GRB10: variants seen among roughly 807,000 people sequenced by gnomAD.
GRB10 encodes growth factor receptor-bound protein 10.
GRB10 carries 20 observed loss-of-function variants against 80.9 expected under a neutral mutation model. The observed-to-expected ratio is 0.25, with a 90% CI of 0.17 to 0.36. GRB10 has a LOEUF of 0.36. Ranked by LOEUF, GRB10 falls within the 10% of genes least tolerant of loss-of-function variation. The pLI is 1.00. For synonymous variants in GRB10, 291 were observed against 291.5 expected, an observed-to-expected ratio of 1.00 and a Z score of 0.02; for missense variants, 548 against 747.7, an observed-to-expected ratio of 0.73 and a Z score of 3.12.
chr7:50,748,062 G>T (rs917413558), intron 3 of GRB10, among the ~76,000 whole-genome samples: 2 of 152,186 alleles, frequency 1.3e-5, no homozygotes, highest in African/African-American at 4.8e-5. Context: ...AATTCCAGAG[G>T]ATAGGATTGT....
chr7:50,608,165 G>A (rs1016718958), intron 13 of GRB10, among the ~76,000 whole-genome samples: 2 of 152,186 alleles, frequency 1.3e-5, no homozygotes, highest in Non-Finnish European at 2.9e-5. Context: ...CCCGCTCCGA[G>A]CATATATCAT....
intron 7 of GRB10, among the ~76,000 whole-genome samples, chr7:50,628,311 TC>T (rs1374443488): frequency 6.6e-6 from 1 of 152,218 alleles, no homozygotes; most frequent in Non-Finnish European, 1.5e-5. Context: ...ACAAACTCCC[TC>T]CGAGGCTCCC....
intron 5 of GRB10, among the ~76,000 whole-genome samples, chr7:50,688,845 C>G (rs1471542529): frequency 6.6e-6 from 1 of 152,036 alleles, no homozygotes; most frequent in African/African-American, 2.4e-5. Context: ...ACCGAACTGT[C>G]GGCAAGCACA....
chr7:50,708,826 C>T (rs2715106), intron 4 of GRB10, among the ~76,000 whole-genome samples: 11,225 of 152,038 alleles, frequency 0.074, 1,416 homozygotes, highest in African/African-American at 0.26. Context: ...CAGGCACGCA[C>T]CACCACACCT....
intron 3 of GRB10, among the ~76,000 whole-genome samples, chr7:50,751,085 A>G (rs954765588): frequency 1.3e-5 from 2 of 152,126 alleles, no homozygotes; most frequent in Non-Finnish European, 2.9e-5. Context: ...ACTGACCAAC[A>G]AGAGAGACGC....
chr7:50,710,128 A>G (rs1428565080), intron 4 of GRB10, among the ~76,000 whole-genome samples: 1 of 152,062 alleles, frequency 6.6e-6, no homozygotes, highest in African/African-American at 2.4e-5. Context: ...ACCTCCTCGT[A>G]CCTTACCCAG....
chr7:50,636,429 A>G (rs78070341), intron 7 of GRB10, among the ~76,000 whole-genome samples: 6,052 of 152,316 alleles, frequency 0.04, 179 homozygotes, highest in Non-Finnish European at 0.061. Context: ...ACAACAAAGT[A>G]AGGATACTGC....
At chr7:50,600,823 T>G (rs2047469980) in intron 17 of GRB10, among the ~76,000 whole-genome samples, 1 of 152,194 alleles carries the variant, frequency 6.6e-6, no homozygotes, top group South Asian at 2.1e-4. Context: ...GATGAAGAAG[T>G]AAGCCTGCTG....
chr7:50,676,335 C>T (rs895952628), intron 5 of GRB10, among the ~76,000 whole-genome samples: 1 of 93,228 alleles, frequency 1.1e-5, no homozygotes, highest in South Asian at 4.6e-4. Context: ...TCCACCCCAC[C>T]GGGGGGGGGG....
intron 5 of GRB10, among the ~76,000 whole-genome samples, chr7:50,688,154 AAC>A (rs1265096617): frequency 6.6e-6 from 1 of 152,226 alleles, no homozygotes; most frequent in Non-Finnish European, 1.5e-5. Context: ...GCAAGGCTAA[AAC>A]ACACACTCAG....
At chr7:50,676,281 A>G (rs1473193194) in intron 5 of GRB10, among the ~76,000 whole-genome samples, 1 of 119,888 alleles carries the variant, frequency 8.3e-6, no homozygotes, top group Non-Finnish European at 1.7e-5. Context: ...TGGGCTTCCT[A>G]TTTCTTAAGA....
intron 2 of GRB10, among the ~76,000 whole-genome samples, chr7:50,763,784 C>T (rs1218134422): frequency 6.6e-6 from 1 of 152,236 alleles, no homozygotes; most frequent in Non-Finnish European, 1.5e-5. Context: ...TCCCTTCCAT[C>T]TCTGCTGCCA....
chr7:50,749,439 T>C (rs1045497638), intron 3 of GRB10, among the ~76,000 whole-genome samples: 1 of 152,194 alleles, frequency 6.6e-6, no homozygotes, highest in South Asian at 2.1e-4. Flanking sequence ...AAAATTTGTA[T>C]TGTTATAAAA....
intron 3 of GRB10, 140 bp from the exon 4 acceptor site, chr7:50,732,508 G>A (rs908999905): frequency 1.6e-6 from 1 of 641,996 alleles, no homozygotes; most frequent in East Asian, 2.7e-5. Context: ...ACTTGCTCGG[G>A]GCACCAGCTT....
At chr7:50,601,996 G>A (rs2047694911) in intron 17 of GRB10, among the ~76,000 whole-genome samples, 1 of 152,142 alleles carries the variant, frequency 6.6e-6, no homozygotes, top group African/African-American at 2.4e-5. Context: ...GTCGAGAAGA[G>A]GTTTTGACTG....
At chr7:50,739,539 C>A (rs776596604) in intron 3 of GRB10, among the ~76,000 whole-genome samples, 1 of 152,224 alleles carries the variant, frequency 6.6e-6, no homozygotes, top group Non-Finnish European at 1.5e-5. Flanking sequence ...GCTCATCACA[C>A]ATGGCAACGT....
intron 4 of GRB10, among the ~76,000 whole-genome samples, chr7:50,718,977 G>A (rs1587426816): frequency 6.6e-6 from 1 of 152,156 alleles, no homozygotes; most frequent in African/African-American, 2.4e-5. Flanking sequence ...TCAATCTTCA[G>A]AGAGGCTGAT....
chr7:50,657,324 GGT>G lies in GRB10; in HGVS notation c.504+12396_504+12397del, dbSNP rs561853733. 2.6e-5 allele frequency among the ~76,000 whole-genome samples: 4 copies of G among 152,174 alleles called. No individual in the cohort carries two copies. The South Asian group carries it at 8.3e-4, about 32-fold the overall frequency. On this transcript the variant is annotated intron_variant, in intron 7 of 18. Transcript: ENST00000401949. Reference sequence around the variant, plus strand: ...AAGGGCAGTCACACTTAGGCTCCAAGGTTAAATGAAGAAGAAAGCAATGTTGC... The same window carrying G: ...AAGGGCAGTCACACTTAGGCTCCAAGTAAATGAAGAAGAAAGCAATGTTGC...
intron 7 of GRB10, among the ~76,000 whole-genome samples, chr7:50,635,768 C>T (rs1281933702): frequency 2.0e-5 from 3 of 151,810 alleles, no homozygotes; most frequent in Non-Finnish European, 2.9e-5. Context: ...TCCACACAAA[C>T]TAAAAAACCT....
Sources: gnomAD v4.1 joint callset for allele counts (sites outside exome capture counted in the v4.1 genomes callset) on GRCh38, gnomAD v4.1.1 for gene constraint, MANE v1.5 for transcripts, NCBI Gene and HGNC (gene_info 2026-07-23, HGNC 2026-07-21) for gene names.